MID1: variants seen among roughly 807,000 people sequenced by gnomAD.
The protein encoded by MID1 is midline 1.
A neutral mutation model predicts 40.4 loss-of-function variants in MID1; 7 were observed. That is an observed-to-expected ratio of 0.17 (90% CI 0.10 to 0.33). The LOEUF is 0.33. Among genes scored for constraint, MID1 ranks in the 10% least tolerant of loss-of-function variants. MID1 has a pLI of 1.00. For missense variants in MID1, 367 were observed against 558.5 expected (o/e 0.66, Z 3.46); for synonymous variants, 229 against 221.2 (o/e 1.04, Z -0.31).
At chrX:10,629,306 T>G (rs1346996250) in intron 1 of MID1, among the ~76,000 whole-genome samples, 1 of 110,536 alleles carries the variant, frequency 9.0e-6, no homozygotes, top group African/African-American at 3.3e-5. Flanking sequence ...CAAGCTATTC[T>G]CCAGCCTCAG....
intron 9 of MID1, 132 bp from the exon 10 acceptor site, chrX:10,449,848 G>A: frequency 1.8e-6 from 1 of 552,880 alleles, no homozygotes; most frequent in Non-Finnish European, 3.1e-6. Context: ...TTAAGTGAAA[G>A]CTTGGCAAGA....
At chrX:10,785,676 A>G (rs1325256797) in intron 1 of MID1, among the ~76,000 whole-genome samples, 43 of 111,326 alleles carry the variant, frequency 3.9e-4, no homozygotes, top group South Asian at 3.4e-3. Flanking sequence ...ATCTACAACC[A>G]TCTGATCTTT....
chrX:10,506,505 GTATT>G (rs1435485690), intron 3 of MID1: 2 of 518,870 alleles, frequency 3.9e-6, no homozygotes, highest in Non-Finnish European at 6.8e-6. Context: ...AAGAAGCAGA[GTATT>G]TATGTAACAT....
At chrX:10,695,332 G>T (rs1252422128) in intron 1 of MID1, among the ~76,000 whole-genome samples, 1 of 111,230 alleles carries the variant, frequency 9.0e-6, no homozygotes, top group African/African-American at 3.3e-5. Context: ...TCACCATGTT[G>T]CCCAGGCTGG....
chrX:10,562,943 T>C lies in MID1; in HGVS notation c.660+3945A>G, dbSNP rs754091487. 5.0e-5 allele frequency among the ~76,000 whole-genome samples: 5 copies of C among 99,420 alleles called. 1 individual carries two copies. The highest frequency in any genetic ancestry group is 2.8e-4 in the East Asian group (1 of 3,580). 86.3% of individuals were successfully genotyped at this position (99,420 alleles called of 115,157 possible). Reference sequence around the variant, plus strand: ...AAGTATGTGTGTGCATCACACACCATAGCACTAGAACCTGCACTATGCCTG... The same window carrying C: ...AAGTATGTGTGTGCATCACACACCACAGCACTAGAACCTGCACTATGCCTG... On this transcript the variant is annotated intron_variant, in intron 2 of 9. Transcript: ENST00000317552.
chrX:10,798,967 A>ATT (rs1200014600), intron 1 of MID1, among the ~76,000 whole-genome samples: 1 of 111,131 alleles, frequency 9.0e-6, no homozygotes, highest in Non-Finnish European at 1.9e-5. Flanking sequence ...TTGTGGGTGA[A>ATT]TTTTTTTTCT....
intron 1 of MID1, among the ~76,000 whole-genome samples, chrX:10,785,645 C>T (rs2043877058): frequency 9.1e-6 from 1 of 110,482 alleles, no homozygotes; most frequent in Non-Finnish European, 1.9e-5. Flanking sequence ...CAGAACAGAG[C>T]CCTCAGAAAT....
chrX:10,773,029 A>T (rs766002199), intron 1 of MID1, among the ~76,000 whole-genome samples: 3 of 111,790 alleles, frequency 2.7e-5, no homozygotes, highest in Non-Finnish European at 5.6e-5. Context: ...ACTTCTAAAA[A>T]TGCTGAAAGA....
At chrX:10,502,994 T>C (rs1370453928) in intron 3 of MID1, among the ~76,000 whole-genome samples, 1 of 111,928 alleles carries the variant, frequency 8.9e-6, no homozygotes, top group Non-Finnish European at 1.9e-5. Flanking sequence ...TTAATTCCAA[T>C]TTGCCCAAGG....
intron 1 of MID1, among the ~76,000 whole-genome samples, chrX:10,572,104 ACTCTCTCT>A (rs59928523): frequency 7.1e-5 from 5 of 70,408 alleles, no homozygotes; most frequent in East Asian, 4.9e-4. Context: ...CTTTCTTTTC[ACTCTCTCT>A]CTCTCTCTCT....
intron 1 of MID1, among the ~76,000 whole-genome samples, chrX:10,585,894 C>T (rs1281045179): frequency 8.9e-6 from 1 of 111,785 alleles, no homozygotes; most frequent in Non-Finnish European, 1.9e-5. Context: ...AATGACAGCA[C>T]AGGCATCGAA....
chrX:10,459,928 G>C, intron 7 of MID1, 121 bp from the exon 8 acceptor site: 1 of 801,194 alleles, frequency 1.2e-6, no homozygotes, highest in South Asian at 2.2e-5. Context: ...GCTTTGTCTT[G>C]GTAGTCATGT....
At chrX:10,576,118 AATTATTATT>A (rs753879010) in intron 1 of MID1, among the ~76,000 whole-genome samples, 6 of 109,820 alleles carry the variant, frequency 5.5e-5, no homozygotes, top group African/African-American at 2.0e-4. Flanking sequence ...GAAGTGCTGA[AATTATTATT>A]ATTATTATTA....
At chrX:10,612,367 T>C (rs1935749630) in intron 1 of MID1, among the ~76,000 whole-genome samples, 1 of 111,979 alleles carries the variant, frequency 8.9e-6, no homozygotes, top group Non-Finnish European at 1.9e-5. Flanking sequence ...AATTTTTCTC[T>C]ACCGCTTTCC....
chrX:10,723,365 C>T (rs1019141510), intron 1 of MID1, among the ~76,000 whole-genome samples: 1 of 112,132 alleles, frequency 8.9e-6, no homozygotes, highest in African/African-American at 3.2e-5. Flanking sequence ...ATGAAAGATG[C>T]TATGAGGCTG....
At chrX:10,532,733 G>A (rs763318478) in intron 2 of MID1, among the ~76,000 whole-genome samples, 7 of 109,568 alleles carry the variant, frequency 6.4e-5, no homozygotes, top group Admixed American at 1.9e-4. Flanking sequence ...CAAACCTTGC[G>A]TGCCGCCTGT....
In MID1 at chrX:10,639,107, T is replaced by A. The variant is rs111596352; in HGVS notation, c.-186-18688A>T. ...CTAAAAACCAGCACACGTCTTCTCC[T>A]CCAAAGGAACGCAGGTCCTTGCCAG... On this transcript the variant is annotated intron_variant, in intron 1 of 10. Transcript: ENST00000380785. Among the ~76,000 whole-genome samples the A allele has an allele frequency of 3.6e-3, 400 of 112,229 alleles. 5 individuals are homozygous for A. The highest frequency in any genetic ancestry group is 0.012 in the African/African-American group (381 of 30,865).
In MID1 at chrX:10,537,961, CTTTA is replaced by C. The variant is rs201370615; in HGVS notation, c.661-14778_661-14775del. Among the ~76,000 whole-genome samples the C allele has an allele frequency of 7.2e-5, 8 of 110,897 alleles. No individual in the cohort carries two copies. The South Asian group carries it at 1.1e-3, about 16-fold the overall frequency. On this transcript the variant is annotated intron_variant, in intron 2 of 9. Transcript: ENST00000317552. ...CCTTTGAAATTTCTCCCCACCTTCC[CTTTA>C]TTTATTTATTTATTTATTTTTATTG...
chrX:10,715,840 G>A (rs911813123), intron 1 of MID1, among the ~76,000 whole-genome samples: 1 of 111,523 alleles, frequency 9.0e-6, no homozygotes, highest in Non-Finnish European at 1.9e-5. Flanking sequence ...ACTCCTCTGA[G>A]ACAAAACTTC....
Sources: allele counts gnomAD v4.1 joint callset (sites outside exome capture counted in the v4.1 genomes callset), GRCh38; gene constraint gnomAD v4.1.1; transcripts MANE v1.5; gene names NCBI Gene and HGNC (gene_info 2026-07-23, HGNC 2026-07-21).